Variants in NXPE2 observed in about 807,000 individuals in gnomAD.
NXPE2 encodes NXPE family member 2.
In NXPE2, 34 loss-of-function variants were observed where a neutral mutation model predicts 34.4. The ratio of observed to expected loss-of-function variants is 0.99; its 90% CI spans 0.75 to 1.31. The LOEUF (loss-of-function observed/expected upper bound fraction) is 1.31, where lower values mean the gene tolerates loss of function less well. Among genes scored for constraint, NXPE2 ranks in the 40% most tolerant of loss-of-function variants. The probability of loss-of-function intolerance (pLI) is 0.00; values close to 1 mark genes in which losing one functional copy is unlikely to be tolerated. For missense variants in NXPE2, 649 were observed against 672.5 expected (o/e 0.97, Z 0.39); for synonymous variants, 235 against 231.3 (o/e 1.02, Z -0.15).
the NXPE2 span, among the ~76,000 whole-genome samples, chr11:114,598,199 A>G: frequency 6.6e-6 from 1 of 152,224 alleles, no homozygotes; most frequent in Non-Finnish European, 1.5e-5. Context: ...GAGCTCCAAA[A>G]TAATCTCCTT....
At chr11:114,646,331 A>C in the NXPE2 span, among the ~76,000 whole-genome samples, 3 of 151,702 alleles carry the variant, frequency 2.0e-5, no homozygotes, top group African/African-American at 7.2e-5. Flanking sequence ...AATAAATATA[A>C]ATAACTTAAT....
chr11:114,664,146 C>T, the NXPE2 span, among the ~76,000 whole-genome samples: 1 of 152,168 alleles, frequency 6.6e-6, no homozygotes, highest in Non-Finnish European at 1.5e-5. Context: ...ACTAATTAAA[C>T]AAGCTGGGAT....
the NXPE2 span, among the ~76,000 whole-genome samples, chr11:114,730,551 T>A: frequency 1.3e-5 from 2 of 152,180 alleles, no homozygotes; most frequent in Non-Finnish European, 2.9e-5. Flanking sequence ...TGTTTTTCTA[T>A]TTGTGTCATC....
At chr11:114,625,874 G>T in the NXPE2 span, among the ~76,000 whole-genome samples, 1 of 152,112 alleles carries the variant, frequency 6.6e-6, no homozygotes, top group African/African-American at 2.4e-5. Flanking sequence ...AAGCGCAAGG[G>T]GTCAGGGAGT....
the NXPE2 span, among the ~76,000 whole-genome samples, chr11:114,636,309 AT>A: frequency 6.6e-6 from 1 of 151,746 alleles, no homozygotes. Context: ...CGGTGGTGAT[AT>A]CCCCTTTATC....
At chr11:114,760,857 C>T in the NXPE2 span, among the ~76,000 whole-genome samples, 1 of 152,216 alleles carries the variant, frequency 6.6e-6, no homozygotes, top group South Asian at 2.1e-4. Context: ...CCACATCCCT[C>T]CTCTAATAGA....
the NXPE2 span, among the ~76,000 whole-genome samples, chr11:114,645,909 G>C: frequency 6.2e-4 from 95 of 152,156 alleles, 1 homozygote; most frequent in East Asian, 0.016. Flanking sequence ...CTATCCTTCT[G>C]CTATGAGAGT....
At chr11:114,581,685 C>G in the NXPE2 span, 1 of 1,497,544 alleles carries the variant, frequency 6.7e-7, no homozygotes. Context: ...TTAAATGGGT[C>G]TAGAACTAGG....
At chr11:114,622,858 A>G in the NXPE2 span, among the ~76,000 whole-genome samples, 1 of 151,778 alleles carries the variant, frequency 6.6e-6, no homozygotes, top group Non-Finnish European at 1.5e-5. Flanking sequence ...TTCATGGGAT[A>G]CCACTGTTAA....
Position 114,704,024 on chromosome 11 carries a change from T to C in NXPE2, c.900T>C (p.Phe300=). The change falls in exon 4 of 6, where the codon TTT becomes TTC. Residue 300 remains phenylalanine (F), a synonymous_variant. Transcript: ENST00000389586. The part of the protein sequence containing the change: ...SNIGVEMMKN[F]TPIEVIPCNK... ...TAGGAGTTGAAATGATGAAGAACTT[T>C]ACCCCCATTGAGGTCATACCATGCA... The C allele has an allele frequency of 6.4e-7, 1 of 1,552,026 alleles. No homozygotes were observed. The highest frequency in any genetic ancestry group is 1.2e-5 in the South Asian group (1 of 84,058).
At chr11:114,638,595 T>G in the NXPE2 span, among the ~76,000 whole-genome samples, 18 of 152,062 alleles carry the variant, frequency 1.2e-4, no homozygotes, top group Admixed American at 9.2e-4. Flanking sequence ...TCTTTGTGGT[T>G]TTATCTACTT....
chr11:114,480,141 G>A, the NXPE2 span, among the ~76,000 whole-genome samples: 1 of 152,120 alleles, frequency 6.6e-6, no homozygotes, highest in Non-Finnish European at 1.5e-5. Context: ...CATGAAATTT[G>A]GAGGGGGACA....
the NXPE2 span, among the ~76,000 whole-genome samples, chr11:114,752,938 G>T: frequency 6.6e-6 from 1 of 152,216 alleles, no homozygotes; most frequent in Non-Finnish European, 1.5e-5. Flanking sequence ...GGTAAGAGAA[G>T]AGGTCATAAG....
chr11:114,779,277 C>G, the NXPE2 span, among the ~76,000 whole-genome samples: 5,824 of 146,648 alleles, frequency 0.04, 135 homozygotes, highest in East Asian at 0.13. Context: ...GAGCATTTAA[C>G]TTTTTCCAGC....
At chr11:114,732,202 A>G in the NXPE2 span, among the ~76,000 whole-genome samples, 1 of 152,246 alleles carries the variant, frequency 6.6e-6, no homozygotes, top group African/African-American at 2.4e-5. Flanking sequence ...GACAATTCCC[A>G]TAATCCCTAA....
At chr11:114,785,912 C>A in the NXPE2 span, among the ~76,000 whole-genome samples, 1,011 of 152,238 alleles carry the variant, frequency 6.6e-3, 11 homozygotes, top group Non-Finnish European at 0.012. Flanking sequence ...CAAGGCAGCA[C>A]CTGAGATGTG....
chr11:114,658,230 C>T, the NXPE2 span, among the ~76,000 whole-genome samples: 1 of 152,182 alleles, frequency 6.6e-6, no homozygotes, highest in South Asian at 2.1e-4. Context: ...AACACAAATA[C>T]TGACTCACTT....
chr11:114,569,708 C>A, the NXPE2 span, among the ~76,000 whole-genome samples: 1 of 152,090 alleles, frequency 6.6e-6, no homozygotes, highest in Non-Finnish European at 1.5e-5. Context: ...CAGCGTCAAA[C>A]CCCTGGACTC....
chr11:114,723,544 T>C, the NXPE2 span, among the ~76,000 whole-genome samples: 2 of 152,178 alleles, frequency 1.3e-5, no homozygotes, highest in African/African-American at 4.8e-5. Flanking sequence ...AGATTTATAT[T>C]TGTGTACAGC....
Sources: allele counts gnomAD v4.1 joint callset (sites outside exome capture counted in the v4.1 genomes callset), GRCh38; gene constraint gnomAD v4.1.1; transcripts MANE v1.5; gene names NCBI Gene and HGNC (gene_info 2026-07-23, HGNC 2026-07-21).